BABAM1: variants seen among roughly 807,000 people sequenced by gnomAD.
BABAM1 encodes the protein BRISC and BRCA1-A complex member 1.
Under a neutral mutation model 34.4 loss-of-function variants are expected in BABAM1, and 14 were observed. That is an observed-to-expected ratio of 0.41 (90% CI 0.27 to 0.64). BABAM1 has a LOEUF of 0.64. Ranked by LOEUF, BABAM1 falls within the 30% of genes least tolerant of loss-of-function variation. The pLI is 0.34. For synonymous variants in BABAM1, 169 were observed against 165.8 expected (o/e 1.02, Z -0.15); for missense variants, 393 against 434.0 (o/e 0.91, Z 0.84).
At position 17,271,634 on chromosome 19, in the gene BABAM1, C is replaced by T. The variant is rs1428015549; in HGVS notation, c.323C>T (p.Pro108Leu). 16 of 1,613,680 alleles carry T rather than the reference C, an allele frequency of 9.9e-6. No individual in the cohort carries two copies. The highest frequency in any genetic ancestry group is 1.4e-5 in the Non-Finnish European group (16 of 1,179,842). The change falls in exon 3 of 9, where the codon CCA (proline) becomes CTA (leucine). Residue 108 changes from proline (P) to leucine (L), a missense_variant. By Grantham distance (98) the Pro-to-Leu change is moderately conservative. Transcript: ENST00000598188. The stretch of plus-strand genomic sequence containing the variant: ...GACCTGTCAGAGGAAATGTCACTGC[C>T]AAAGCTGGAGTCGTTCAACGGGTAA... ...CLDLSEEMSL[P>L]KLESFNGSKT...
Position 17,276,814 on chromosome 19 carries a change from C to A in BABAM1, c.700-9C>A. 6.3e-7 allele frequency: 1 copy of A among 1,599,892 alleles called. No homozygotes were observed. The highest frequency in any genetic ancestry group is 1.1e-5 in the South Asian group (1 of 88,558). On this transcript the variant is annotated splice_polypyrimidine_tract_variant and intron_variant, in intron 7 of 8. Coordinates refer to ENST00000598188, the MANE Select transcript of BABAM1 (RefSeq NM_014173.4). ...CCCCAGAGGCTGGTGTTCTTTACTTCCCCTGCAGAAAATGTTCCAGTGCCC... is the reference window on the plus strand; with the variant it reads ...CCCCAGAGGCTGGTGTTCTTTACTTACCCTGCAGAAAATGTTCCAGTGCCC...
chr19:17,275,509 C>G (rs927804323), intron 5 of BABAM1, among the ~76,000 whole-genome samples: 1 of 151,774 alleles, frequency 6.6e-6, no homozygotes, highest in Non-Finnish European at 1.5e-5. Context: ...AGGCTGGCCT[C>G]GAACTCCTGA....
intron 6 of BABAM1, 72 bp downstream of exon 6, chr19:17,275,897 G>T (rs773788858): frequency 2.6e-6 from 4 of 1,530,448 alleles, no homozygotes; most frequent in Admixed American, 1.7e-5. Flanking sequence ...AGCTCCAAAC[G>T]GCACAGAAGT....
chr19:17,271,569 C>G (rs532310830), intron 2 of BABAM1, 28 bp from the exon 3 acceptor site: 1 of 1,611,748 alleles, frequency 6.2e-7, no homozygotes, highest in Admixed American at 1.7e-5. Context: ...GGTCAGAGGA[C>G]GCTCACCACC....
chr19:17,274,435 G>T, intron 5 of BABAM1: 1 of 524,946 alleles, frequency 1.9e-6, no homozygotes, highest in South Asian at 2.1e-5. Flanking sequence ...GGGCATGGTG[G>T]TCCATGCCTA....
At chr19:17,274,807 G>C (rs1051446646) in intron 5 of BABAM1, among the ~76,000 whole-genome samples, 5 of 152,172 alleles carry the variant, frequency 3.3e-5, no homozygotes, top group African/African-American at 9.6e-5. Context: ...TAGGACTCTC[G>C]TAAGTTAAAA....
Position 17,268,905 on chromosome 19 carries a change from G to A in BABAM1, c.99G>A (p.Gly33=). Residue 33 remains glycine (G), a synonymous_variant, in exon 2 of 9, where the codon GGG becomes GGA. Coordinates refer to ENST00000598188, the MANE Select transcript of BABAM1 (RefSeq NM_014173.4). The part of the protein sequence containing the change: ...PRPRTRSNPE[G]AEDRAVGAQA... ...CCCGCACTCGCTCCAATCCTGAAGGGGCTGAGGACCGGGCAGTAGGGGCAC... is the reference window on the plus strand; with the variant it reads ...CCCGCACTCGCTCCAATCCTGAAGGAGCTGAGGACCGGGCAGTAGGGGCAC... The A allele has an allele frequency of 6.3e-7, 1 of 1,586,700 alleles. No homozygotes were observed. Among genetic ancestry groups the A allele is most frequent in the Non-Finnish European group, 8.6e-7 (1 of 1,167,516 alleles).
At chr19:17,276,379 G>C in intron 6 of BABAM1, 116 bp from the exon 7 acceptor site, 2 of 1,488,224 alleles carry the variant, frequency 1.3e-6, no homozygotes, top group Non-Finnish European at 1.8e-6. Flanking sequence ...CAGTGAACTT[G>C]GGAGACATCA....
Position 17,271,830 on chromosome 19 carries a change from C to T in BABAM1, c.344+175C>T, listed in dbSNP as rs78276370. On this transcript the variant is annotated intron_variant, in intron 3 of 8. Transcript: ENST00000598188. ...GCTCATGCCTGTAATCCCAGTGACT[C>T]GGGAGGCTGAGATAGGAGGATCACT... is the stretch of plus-strand genomic sequence containing the variant. Among the ~76,000 whole-genome samples the T allele has an allele frequency of 9.1e-3, 1,386 of 152,100 alleles. 20 individuals carry two copies. Among genetic ancestry groups the T allele is most frequent in the African/African-American group, 0.031 (1,272 of 41,486 alleles).
intron 6 of BABAM1, 144 bp downstream of exon 6, chr19:17,275,969 G>A (rs969076738): frequency 2.1e-6 from 2 of 930,442 alleles, no homozygotes; most frequent in African/African-American, 1.6e-5. Context: ...CCTCATTTAT[G>A]TGTGTCTTGG....
At chr19:17,268,344 C>T (rs2073793510) in intron 1 of BABAM1, among the ~76,000 whole-genome samples, 1 of 151,602 alleles carries the variant, frequency 6.6e-6, no homozygotes, top group Non-Finnish European at 1.5e-5. Context: ...AGCCATTCTG[C>T]AGCTGAGGAA....
intron 1 of BABAM1, 193 bp from the exon 2 acceptor site, chr19:17,268,601 G>T: frequency 1.9e-6 from 1 of 538,906 alleles, no homozygotes. Flanking sequence ...GGCTAATTTT[G>T]TATTTTTAGT....
chr19:17,275,984 A>C (rs2073903482), intron 6 of BABAM1, among the ~76,000 whole-genome samples, 159 bp downstream of exon 6: 1 of 152,136 alleles, frequency 6.6e-6, no homozygotes, highest in South Asian at 2.1e-4. Flanking sequence ...TCTTGGGAGC[A>C]TGGGGGCTGG....
At chr19:17,277,062 C>G in intron 8 of BABAM1, 153 bp downstream of exon 8, 1 of 704,752 alleles carries the variant, frequency 1.4e-6, no homozygotes, top group Non-Finnish European at 2.3e-6. Flanking sequence ...ACAGCCGTTT[C>G]CCAGTTGTCT....
chr19:17,276,526 AACGTGCAG>A lies in BABAM1; in HGVS notation c.605_612del (p.Val202AspfsTer40), dbSNP rs1206865047. 1 of 1,594,860 alleles carries A rather than the reference AACGTGCAG, an allele frequency of 6.3e-7. No homozygotes were observed. Among genetic ancestry groups the A allele is most frequent in the Non-Finnish European group, 8.5e-7 (1 of 1,171,082 alleles). ...GAAAACTGAGCTTCCGGTCACAGAG[AACGTGCAG>A]ACGATTCCCCCGCCATATGTGGTCC... On this transcript the variant is annotated frameshift_variant, in exon 7 of 9. Transcript: ENST00000598188. LOFTEE classifies it high-confidence loss of function.
intron 3 of BABAM1, among the ~76,000 whole-genome samples, chr19:17,272,685 T>C (rs1197138829): frequency 6.6e-6 from 1 of 150,896 alleles, no homozygotes; most frequent in Non-Finnish European, 1.5e-5. Context: ...GGATTACAGG[T>C]GTGAGCCACC....
intron 2 of BABAM1, among the ~76,000 whole-genome samples, chr19:17,270,020 T>C (rs1268463792): frequency 6.6e-6 from 1 of 151,714 alleles, no homozygotes; most frequent in African/African-American, 2.4e-5. Flanking sequence ...AAGCTCTGCC[T>C]CCCGGGTTCA....
rs766357163 is a variant in BABAM1, at chr19:17,274,035, G to A, written c.465+11G>A. On this transcript the variant is annotated intron_variant, in intron 4 of 8. Transcript: ENST00000598188. ...GATGACACGGCCTGGGTGAGGCTGC[G>A]GCAGGCGCTGGGTGCCCTGGGGTCC... 83 of 1,613,738 alleles carry A rather than the reference G, an allele frequency of 5.1e-5. No individual in the cohort carries two copies. The highest frequency in any genetic ancestry group is 1.8e-4 in the East Asian group (8 of 44,880).
chr19:17,272,849 C>T (rs1366346525), intron 3 of BABAM1, among the ~76,000 whole-genome samples: 2 of 152,084 alleles, frequency 1.3e-5, no homozygotes, highest in Non-Finnish European at 2.9e-5. Flanking sequence ...AAACCCCCAC[C>T]TCCACTAAAA....
Sources: gnomAD v4.1 joint callset for allele counts (sites outside exome capture counted in the v4.1 genomes callset) on GRCh38, gnomAD v4.1.1 for gene constraint, MANE v1.5 for transcripts, NCBI Gene and HGNC (gene_info 2026-07-23, HGNC 2026-07-21) for gene names.